Variants in TLE4 observed in about 807,000 individuals in gnomAD.
TLE4 encodes transducin-like enhancer protein 4.
TLE4 carries 8 observed loss-of-function variants against 92.8 expected under a neutral mutation model. The ratio of observed to expected loss-of-function variants is 0.09; its 90% CI spans 0.05 to 0.16. The LOEUF (loss-of-function observed/expected upper bound fraction) is 0.16, where lower values mean the gene tolerates loss of function less well. Ranked by LOEUF, TLE4 falls within the 10% of genes least tolerant of loss-of-function variation. TLE4 has a pLI of 1.00. For synonymous variants in TLE4, 371 were observed against 374.1 expected (o/e 0.99, Z 0.10); for missense variants, 675 against 997.6 (o/e 0.68, Z 4.36).
At chr9:79,601,811 TA>T (rs1190496850) in intron 4 of TLE4, among the ~76,000 whole-genome samples, 2 of 152,198 alleles carry the variant, frequency 1.3e-5, no homozygotes, top group African/African-American at 4.8e-5. Context: ...TCTCTCACTT[TA>T]AATCAAAATC....
chr9:79,624,735 T>C (rs1348515524), intron 5 of TLE4, among the ~76,000 whole-genome samples: 14 of 152,342 alleles, frequency 9.2e-5, no homozygotes, highest in Admixed American at 9.1e-4. Context: ...ATTTTAGCAA[T>C]TGGAATCTAG....
At chr9:79,605,570 G>C (rs1031626447) in intron 4 of TLE4, among the ~76,000 whole-genome samples, 2 of 152,090 alleles carry the variant, frequency 1.3e-5, no homozygotes, top group African/African-American at 4.8e-5. Flanking sequence ...AGGAAAAAGA[G>C]GGTGCTCTTT....
At chr9:79,655,169 ATACATATG>A (rs1193132850) in intron 8 of TLE4, among the ~76,000 whole-genome samples, 1 of 151,714 alleles carries the variant, frequency 6.6e-6, no homozygotes, top group Non-Finnish European at 1.5e-5. Context: ...ACATACATAC[ATACATATG>A]TACACCATTG....
At chr9:79,668,460 G>A (rs995975916) in intron 8 of TLE4, among the ~76,000 whole-genome samples, 6 of 152,162 alleles carry the variant, frequency 3.9e-5, no homozygotes, top group African/African-American at 7.2e-5. Flanking sequence ...TTACCCTTCC[G>A]ATACCAAACT....
chr9:79,671,414 T>G (rs941849218), intron 8 of TLE4: 1 of 349,588 alleles, frequency 2.9e-6, no homozygotes, highest in African/African-American at 2.1e-5. Flanking sequence ...TTACCGTTTT[T>G]GCAGAGAGCC....
intron 8 of TLE4, among the ~76,000 whole-genome samples, chr9:79,680,222 C>G (rs543113120): frequency 0.024 from 3,544 of 150,316 alleles, 128 homozygotes; most frequent in African/African-American, 0.081. Context: ...TGGCCATTTT[C>G]ATGATATTGA....
At chr9:79,655,057 G>C (rs941590301) in intron 8 of TLE4, among the ~76,000 whole-genome samples, 1 of 152,170 alleles carries the variant, frequency 6.6e-6, no homozygotes. Context: ...CAGGAGAATC[G>C]CTTGAATCTG....
intron 19 of TLE4, among the ~76,000 whole-genome samples, chr9:79,724,059 A>G (rs1012332393): frequency 1.3e-5 from 2 of 152,246 alleles, no homozygotes; most frequent in Non-Finnish European, 1.5e-5. Context: ...AATATGGTAT[A>G]CAAAATTCTA....
chr9:79,685,811 C>T lies in TLE4; in HGVS notation c.610-18972C>T, dbSNP rs143241612. On this transcript the variant is annotated intron_variant, in intron 8 of 19. Coordinates refer to ENST00000376552, the MANE Select transcript of TLE4 (RefSeq NM_007005.6). ...CTACTTTGTCTTGTATTAAAAATGT[C>T]TTGAGTTTGCTTATTACTTACCCAG... is the stretch of plus-strand genomic sequence containing the variant. Among the ~76,000 whole-genome samples, 18 of 152,200 alleles carry T rather than the reference C, an allele frequency of 1.2e-4. No homozygotes were observed. In the East Asian group the frequency reaches 3.5e-3, roughly 29 times the overall value.
chr9:79,720,092 G>A lies in TLE4; in HGVS notation c.1637G>A (p.Arg546His), dbSNP rs111778117. The A allele has an allele frequency of 3.7e-6, 6 of 1,613,776 alleles. No individual in the cohort carries two copies. In the African/African-American group the frequency reaches 4.0e-5, roughly 11 times the overall value. ...IRSCRLLPDG[R>H]TLIVGGEAST... ...TCCTGCAGATTGCTCCCTGATGGTCGCACCCTAATTGTTGGAGGGGAAGCC... is the reference window on the plus strand; with the variant it reads ...TCCTGCAGATTGCTCCCTGATGGTCACACCCTAATTGTTGGAGGGGAAGCC... Residue 546 changes from arginine (R) to histidine (H), a missense_variant, in exon 16 of 20, where the codon CGC (arginine) becomes CAC (histidine). By Grantham distance (29) the Arg-to-His change is conservative. Transcript: ENST00000376552.
At chr9:79,666,536 A>G (rs2061442593) in intron 8 of TLE4, among the ~76,000 whole-genome samples, 2 of 151,802 alleles carry the variant, frequency 1.3e-5, no homozygotes, top group Non-Finnish European at 2.9e-5. Context: ...ATCACGCCCC[A>G]CCCCTTCATC....
intron 8 of TLE4, among the ~76,000 whole-genome samples, chr9:79,697,761 G>A (rs2068659507): frequency 6.6e-6 from 1 of 151,874 alleles, no homozygotes; most frequent in Non-Finnish European, 1.5e-5. Flanking sequence ...ATAATGCTGA[G>A]GCCATGAAAA....
intron 18 of TLE4, 137 bp downstream of exon 18, chr9:79,722,738 C>T: frequency 8.8e-7 from 1 of 1,138,990 alleles, no homozygotes; most frequent in Middle Eastern, 2.9e-4. Context: ...TGATACATGC[C>T]TGCTTCCCCA....
intron 4 of TLE4, among the ~76,000 whole-genome samples, chr9:79,604,136 G>T (rs1334804285): frequency 6.6e-6 from 1 of 152,128 alleles, no homozygotes; most frequent in East Asian, 1.9e-4. Flanking sequence ...AGTAATTGAG[G>T]ATGGTAAGTG....
At chr9:79,650,739 G>T (rs1280708950) in intron 6 of TLE4, among the ~76,000 whole-genome samples, 1 of 152,064 alleles carries the variant, frequency 6.6e-6, no homozygotes, top group African/African-American at 2.4e-5. Context: ...GGTTGGTGGA[G>T]TATCTGGATG....
chr9:79,700,867 C>T (rs1270002657), intron 8 of TLE4, among the ~76,000 whole-genome samples: 1 of 152,134 alleles, frequency 6.6e-6, no homozygotes, highest in African/African-American at 2.4e-5. Context: ...CACACACACG[C>T]ACACTCAAAC....
chr9:79,581,400 G>A (rs1394988042), intron 4 of TLE4, among the ~76,000 whole-genome samples: 1 of 152,168 alleles, frequency 6.6e-6, no homozygotes, highest in African/African-American at 2.4e-5. Flanking sequence ...TCCGAATACT[G>A]TGGGGAGTTC....
At position 79,653,094 on chromosome 9, in the gene TLE4, T is replaced by C. The variant is rs879153721; in HGVS notation, c.592+300T>C. Reference sequence around the variant, plus strand: ...AGTAATGAAATCCCATGATGCTCTGTTTGAAGTAGCATGTTGCATTAATAG... The same window carrying C: ...AGTAATGAAATCCCATGATGCTCTGCTTGAAGTAGCATGTTGCATTAATAG... On this transcript the variant is annotated intron_variant, in intron 7 of 19. Coordinates refer to ENST00000376552, the MANE Select transcript of TLE4 (RefSeq NM_007005.6). Among the ~76,000 whole-genome samples the C allele has an allele frequency of 3.3e-5, 5 of 152,204 alleles. No individual in the cohort carries two copies. The South Asian group carries it at 6.2e-4, about 19-fold the overall frequency.
intron 8 of TLE4, among the ~76,000 whole-genome samples, chr9:79,666,194 T>TGTGG (rs1225982085): frequency 7.7e-6 from 1 of 130,396 alleles, no homozygotes; most frequent in African/African-American, 3.0e-5. Context: ...TGTGTGTGTG[T>TGTGG]GTGGGTGGGG....
Sources: allele counts gnomAD v4.1 joint callset (sites outside exome capture counted in the v4.1 genomes callset), GRCh38; gene constraint gnomAD v4.1.1; transcripts MANE v1.5; gene names NCBI Gene and HGNC (gene_info 2026-07-23, HGNC 2026-07-21).